Variants in NDUFA10 observed in about 807,000 individuals in gnomAD.
NDUFA10 encodes NADH dehydrogenase [ubiquinone] 1 alpha subcomplex subunit 10, mitochondrial.
Under a neutral mutation model 47.8 loss-of-function variants are expected in NDUFA10, and 40 were observed. That is an observed-to-expected ratio of 0.84 (90% CI 0.65 to 1.09). The LOEUF (loss-of-function observed/expected upper bound fraction) is 1.09. NDUFA10 is among the 50% of genes least tolerant of loss of function. The pLI, the probability that NDUFA10 is intolerant of heterozygous loss-of-function variation, is 0.00. For missense variants in NDUFA10, 413 were observed against 451.1 expected, an observed-to-expected ratio of 0.92 and a Z score of 0.76; for synonymous variants, 183 against 172.2, an observed-to-expected ratio of 1.06 and a Z score of -0.49.
intron 9 of NDUFA10, among the ~76,000 whole-genome samples, chr2:239,963,418 G>C (rs898361458): frequency 1.3e-5 from 2 of 152,230 alleles, no homozygotes; most frequent in African/African-American, 4.8e-5. Flanking sequence ...AGAGAGGGAC[G>C]TGACTTTCTG....
rs1697351742 is a variant in NDUFA10 at position 240,016,448 on chromosome 2, T to C, written c.548-1588A>G. 6.6e-6 allele frequency among the ~76,000 whole-genome samples: 1 copy of C among 152,166 alleles called. No homozygotes were observed. Among genetic ancestry groups the C allele is most frequent in the Non-Finnish European group, 1.5e-5 (1 of 68,020 alleles). ...GGTCCCCACCTTGCTCTATGCCACC[T>C]GTCCTTTAGCCAACATGATCTGCTT... On this transcript the variant is annotated intron_variant, in intron 4 of 9. Transcript: ENST00000252711. The surrounding 1 kb of genome is among the most constrained non-coding windows in gnomAD (Gnocchi z 4.4).
chr2:239,927,540 C>T (rs995940248), intron 4 of NDUFA10, among the ~76,000 whole-genome samples: 3 of 152,180 alleles, frequency 2.0e-5, no homozygotes, highest in Admixed American at 6.5e-5. Context: ...GATGTATCCC[C>T]GTCATTACAC....
At chr2:239,905,240 A>G (rs552545611) in intron 4 of NDUFA10, among the ~76,000 whole-genome samples, 30 of 152,232 alleles carry the variant, frequency 2.0e-4, no homozygotes, top group African/African-American at 7.0e-4. Context: ...ACTGCACAGT[A>G]TGGGAAGGGG....
chr2:239,930,256 C>T (rs35450144), intron 4 of NDUFA10, among the ~76,000 whole-genome samples: 55,391 of 137,062 alleles, frequency 0.4, 10,811 homozygotes, highest in Non-Finnish European at 0.45. Context: ...CCTAGTCCTC[C>T]GCCAGCCCTG....
At chr2:239,896,104 A>G (rs1693391310) in intron 4 of NDUFA10, among the ~76,000 whole-genome samples, 1 of 152,244 alleles carries the variant, frequency 6.6e-6, no homozygotes, top group East Asian at 1.9e-4. Context: ...TGGCAAACAC[A>G]CACAGTGACC....
chr2:239,934,410 CT>C (rs1349038364), intron 4 of NDUFA10, among the ~76,000 whole-genome samples: 2 of 148,114 alleles, frequency 1.4e-5, no homozygotes. Context: ...AAATCTCACT[CT>C]GCACATGTGG....
chr2:239,935,156 G>A (rs1328250465), intron 4 of NDUFA10, among the ~76,000 whole-genome samples: 1 of 152,154 alleles, frequency 6.6e-6, no homozygotes, highest in African/African-American at 2.4e-5. Context: ...AAATTGAACG[G>A]GGTGCCTCCC....
intron 4 of NDUFA10, among the ~76,000 whole-genome samples, chr2:239,914,166 C>A (rs1039473902): frequency 6.6e-5 from 10 of 151,934 alleles, no homozygotes; most frequent in Non-Finnish European, 1.5e-4. Context: ...GAGATACACA[C>A]ACACACAGAA....
chr2:239,905,593 G>A (rs750878423), intron 4 of NDUFA10, among the ~76,000 whole-genome samples: 4 of 152,126 alleles, frequency 2.6e-5, no homozygotes, highest in Non-Finnish European at 5.9e-5. Flanking sequence ...GGGGGTTTAC[G>A]CAGCAAAGCC....
At chr2:239,972,752 A>G (rs947254229) in intron 9 of NDUFA10, among the ~76,000 whole-genome samples, 1 of 152,250 alleles carries the variant, frequency 6.6e-6, no homozygotes, top group Non-Finnish European at 1.5e-5. Flanking sequence ...TGCAATGAGT[A>G]TTAACAATAG....
At chr2:239,916,679 T>C (rs1367982096) in intron 4 of NDUFA10, among the ~76,000 whole-genome samples, 1 of 152,242 alleles carries the variant, frequency 6.6e-6, no homozygotes, top group East Asian at 1.9e-4. Flanking sequence ...AGGTTTGGTG[T>C]CTGCGAGGGC....
Position 239,958,339 on chromosome 2 carries a change from A to G in NDUFA10, c.*2779T>C, listed in dbSNP as rs960714626. ...CTAAGAACAGCCAATCCAGAAAGCT[A>G]TAATTGGTAAGCAGGGCACAGAGAA... On this transcript the variant is annotated 3_prime_UTR_variant, in exon 10 of 10. Transcript: ENST00000252711. 2 of 152,258 alleles carry G rather than the reference A, an allele frequency of 1.3e-5. No homozygotes were observed. Among genetic ancestry groups the G allele is most frequent in the African/African-American group, 4.8e-5 (2 of 41,462 alleles). 9.4% of individuals were successfully genotyped at this position (152,258 alleles called of 1,614,324 possible). A position where few individuals can be genotyped will look rare whatever the true frequency, so the allele number is the denominator to read the frequency against.
intron 4 of NDUFA10, among the ~76,000 whole-genome samples, chr2:239,917,128 A>T (rs1693893731): frequency 6.6e-6 from 1 of 152,190 alleles, no homozygotes; most frequent in South Asian, 2.1e-4. Context: ...GGAGGGGCTG[A>T]CACTGAGCAC....
intron 4 of NDUFA10, among the ~76,000 whole-genome samples, chr2:239,939,754 C>T (rs1473365096): frequency 1.3e-5 from 2 of 152,230 alleles, no homozygotes; most frequent in Non-Finnish European, 2.9e-5. Flanking sequence ...GGCTACCAGG[C>T]ACACGGAAAC....
chr2:239,922,506 T>C (rs1239548835), intron 4 of NDUFA10, among the ~76,000 whole-genome samples: 1 of 152,206 alleles, frequency 6.6e-6, no homozygotes, highest in African/African-American at 2.4e-5. Context: ...GATGTCTTTC[T>C]CGGATAGTGA....
Position 239,960,985 on chromosome 2 carries a change from G to A in NDUFA10, c.*133C>T, listed in dbSNP as rs1054733143. On this transcript the variant is annotated 3_prime_UTR_variant, in exon 10 of 10. Transcript: ENST00000252711. ...CTACAGGATGGATTGCTTTTTGTGA[G>A]ACCCCTTCTTCCACTGTGCAATTTT... 1 of 1,543,344 alleles carries A rather than the reference G, an allele frequency of 6.5e-7. No individual in the cohort carries two copies. Among genetic ancestry groups the A allele is most frequent in the African/African-American group, 1.4e-5 (1 of 72,886 alleles).
intron 9 of NDUFA10, chr2:239,983,635 G>A (rs572733738): frequency 3.7e-5 from 59 of 1,583,118 alleles, no homozygotes; most frequent in Non-Finnish European, 4.8e-5. Flanking sequence ...CAGGGCCACG[G>A]TGCCAGGCTG....
chr2:239,921,452 T>C (rs182632720), intron 4 of NDUFA10, among the ~76,000 whole-genome samples: 1 of 152,326 alleles, frequency 6.6e-6, no homozygotes, highest in Non-Finnish European at 1.5e-5. Flanking sequence ...GTTCCATTTC[T>C]GTCCTATCAG....
At chr2:240,002,180 A>C (rs186943229) in intron 8 of NDUFA10, among the ~76,000 whole-genome samples, 30 of 152,078 alleles carry the variant, frequency 2.0e-4, no homozygotes, top group Non-Finnish European at 3.8e-4. Flanking sequence ...AAATACAAAA[A>C]ATTAGCCGGG....
Sources: gnomAD v4.1 joint callset for allele counts (sites outside exome capture counted in the v4.1 genomes callset) on GRCh38, gnomAD v4.1.1 for gene constraint, Gnocchi (gnomAD v3.1) non-coding constraint, MANE v1.5 for transcripts, NCBI Gene and HGNC (gene_info 2026-07-23, HGNC 2026-07-21) for gene names.